Variants in NYAP2 observed in about 807,000 individuals in gnomAD.
NYAP2 encodes the protein neuronal tyrosine-phosphorylated phosphoinositide-3-kinase adapter 2.
Under a neutral mutation model 50.4 loss-of-function variants are expected in NYAP2, and 23 were observed. The ratio of observed to expected loss-of-function variants is 0.46; its 90% CI spans 0.33 to 0.65. The LOEUF (loss-of-function observed/expected upper bound fraction) is 0.65. NYAP2 is among the 30% of genes least tolerant of loss of function. The probability of loss-of-function intolerance (pLI) is 0.02; values close to 1 mark genes in which losing one functional copy is unlikely to be tolerated. For synonymous variants in NYAP2, 394 were observed against 365.2 expected (o/e 1.08, Z -0.90); for missense variants, 885 against 861.0 (o/e 1.03, Z -0.35).
intron 2 of NYAP2, among the ~76,000 whole-genome samples, chr2:225,407,668 TTAA>T (rs1299823415): frequency 1.3e-5 from 2 of 152,000 alleles, no homozygotes; most frequent in Admixed American, 6.6e-5. Flanking sequence ...GGGCTGATAT[TTAA>T]TAATATCTTT....
Position 225,600,854 on chromosome 2 carries a change from C to T in NYAP2, c.1618+17819C>T, listed in dbSNP as rs558983003. On this transcript the variant is annotated intron_variant, in intron 5 of 6. Transcript: ENST00000636099. Reference sequence around the variant, plus strand: ...ACTGGCTTATTTCACTTAGCATGTCCTCAATTTTCACCCGTGCATATTGCA... The same window carrying T: ...ACTGGCTTATTTCACTTAGCATGTCTTCAATTTTCACCCGTGCATATTGCA... 1.3e-4 allele frequency among the ~76,000 whole-genome samples: 20 copies of T among 152,290 alleles called. No individual in the cohort carries two copies. The South Asian group carries it at 4.1e-3, about 32-fold the overall frequency.
At chr2:225,601,002 T>C (rs1180831945) in intron 5 of NYAP2, among the ~76,000 whole-genome samples, 3 of 152,204 alleles carry the variant, frequency 2.0e-5, no homozygotes, top group Non-Finnish European at 2.9e-5. Context: ...TTTTGAGTAA[T>C]ACAAAATATG....
the NYAP2 span, among the ~76,000 whole-genome samples, chr2:225,684,408 T>C: frequency 3.1e-3 from 382 of 122,978 alleles, no homozygotes; most frequent in African/African-American, 0.01. Context: ...CTCTCTCTCT[T>C]TTTTTTTTTT....
intron 6 of NYAP2, among the ~76,000 whole-genome samples, chr2:225,638,053 C>A (rs757251418): frequency 4.6e-5 from 7 of 151,860 alleles, no homozygotes; most frequent in Non-Finnish European, 8.8e-5. Flanking sequence ...CTGAGAGAGA[C>A]AGAGACTAGA....
the NYAP2 span, chr2:225,701,997 C>T: frequency 6.6e-6 from 1 of 151,684 alleles, no homozygotes; most frequent in Non-Finnish European, 1.5e-5. Context: ...CAACACAATG[C>T]ACGTACAAAT....
At chr2:225,694,345 A>T in the NYAP2 span, among the ~76,000 whole-genome samples, 2 of 151,920 alleles carry the variant, frequency 1.3e-5, no homozygotes, top group African/African-American at 4.8e-5. Context: ...GTGATAAAAG[A>T]AAAGAAAATA....
intron 5 of NYAP2, among the ~76,000 whole-genome samples, chr2:225,603,365 G>C (rs897246604): frequency 2.0e-5 from 3 of 152,136 alleles, no homozygotes; most frequent in Non-Finnish European, 1.5e-5. Flanking sequence ...ATTAATAATG[G>C]AGTATTTTCT....
At chr2:225,620,438 C>T (rs77868925) in intron 5 of NYAP2, among the ~76,000 whole-genome samples, 39 of 30,824 alleles carry the variant, frequency 1.3e-3, no homozygotes, top group African/African-American at 2.4e-3. Context: ...CACGCACACA[C>T]GCACGCACAC....
intron 4 of NYAP2, among the ~76,000 whole-genome samples, chr2:225,557,256 T>A (rs1325479152): frequency 1.3e-5 from 2 of 152,168 alleles, no homozygotes; most frequent in Non-Finnish European, 2.9e-5. Context: ...CAAATATCCT[T>A]TTTCTGTTCC....
intron 3 of NYAP2, among the ~76,000 whole-genome samples, chr2:225,483,031 C>G (rs1690231804): frequency 6.6e-6 from 1 of 152,064 alleles, no homozygotes; most frequent in Admixed American, 6.6e-5. Context: ...TATAGTGCAC[C>G]TGTTTGAATA....
Position 225,627,175 on chromosome 2 carries a change from G to A in NYAP2, c.1828+49G>A, listed in dbSNP as rs191026659. 349 of 1,376,802 alleles carry A rather than the reference G, an allele frequency of 2.5e-4. 2 individuals are homozygous for A. In the African/African-American group the frequency reaches 4.5e-3, roughly 18 times the overall value. The allele number at this position is 1,376,802 out of a possible 1,614,324, so 85.3% of individuals were successfully genotyped here. A position where few individuals can be genotyped will look rare whatever the true frequency, so the allele number is the denominator to read the frequency against. ...GAAGGTAATTCCTCCTGTCTCTAGA[G>A]ACTACTTTCATGCAATATCACTTAC... is the stretch of plus-strand genomic sequence containing the variant. On this transcript the variant is annotated intron_variant, in intron 6 of 6. Transcript: ENST00000636099.
intron 3 of NYAP2, among the ~76,000 whole-genome samples, chr2:225,440,969 C>A (rs13406326): frequency 0.12 from 18,552 of 152,130 alleles, 2,070 homozygotes; most frequent in African/African-American, 0.3. Flanking sequence ...TGTCAAGGAG[C>A]CTTGGTGATC....
At chr2:225,665,784 G>A in the NYAP2 span, among the ~76,000 whole-genome samples, 2 of 113,672 alleles carry the variant, frequency 1.8e-5, 1 homozygote, top group South Asian at 6.7e-4. Context: ...ACTCCAGCCT[G>A]GGCAACAGAG....
chr2:225,646,742 G>T (rs1693641957), intron 6 of NYAP2, among the ~76,000 whole-genome samples: 1 of 152,198 alleles, frequency 6.6e-6, no homozygotes, highest in Non-Finnish European at 1.5e-5. Context: ...TGACCTCATT[G>T]TAGAACTAGC....
intron 2 of NYAP2, 90 bp from the exon 3 acceptor site, chr2:225,408,774 T>C (rs2048935): frequency 0.8 from 525,881 of 658,958 alleles, 212,249 homozygotes; most frequent in African/African-American, 0.93. Context: ...TGGCCATAAT[T>C]ATTGGAGTTT....
At chr2:225,657,896 G>T (rs768479048), downstream of NYAP2, among the ~76,000 whole-genome samples, 13 of 152,230 alleles carry the variant, frequency 8.5e-5, no homozygotes, top group Non-Finnish European at 1.6e-4. Context: ...TGTAGTTGGA[G>T]AGCATGTGCC....
Position 225,582,784 on chromosome 2 carries a change from C to T in NYAP2, c.1367C>T (p.Pro456Leu). The change falls in exon 5 of 7, where the codon CCT becomes CTT. Residue 456 changes from proline (P) to leucine (L), a missense_variant. By Grantham distance (98) the Pro-to-Leu change is moderately conservative. Transcript: ENST00000636099. This position sits in a 1 kb window ranked among gnomAD's most constrained non-coding sequence, Gnocchi z 7.0. ...CCCCTGAGCCTCAAAAGGCCTCCCC[C>T]TTACGACGCTGTGCATTCGGGCAGC... 4 of 1,613,944 alleles carry T rather than the reference C, an allele frequency of 2.5e-6. No individual in the cohort carries two copies. The highest frequency in any genetic ancestry group is 3.4e-6 in the Non-Finnish European group (4 of 1,179,890).
chr2:225,632,126 A>G (rs1030472146), intron 6 of NYAP2, among the ~76,000 whole-genome samples: 2 of 152,192 alleles, frequency 1.3e-5, no homozygotes, highest in Non-Finnish European at 2.9e-5. Context: ...TAAGCAAACC[A>G]TGCACTACTT....
intron 4 of NYAP2, among the ~76,000 whole-genome samples, chr2:225,548,744 T>C (rs752289377): frequency 6.6e-6 from 1 of 152,228 alleles, no homozygotes; most frequent in Non-Finnish European, 1.5e-5. Context: ...GAAATGCTTC[T>C]GAAAACATTT....
Sources: gnomAD v4.1 joint callset for allele counts (sites outside exome capture counted in the v4.1 genomes callset) on GRCh38, gnomAD v4.1.1 for gene constraint, Gnocchi (gnomAD v3.1) non-coding constraint, MANE v1.5 for transcripts, NCBI Gene and HGNC (gene_info 2026-07-23, HGNC 2026-07-21) for gene names.